The following SNX29 variants were observed in gnomAD, a reference collection of about 807,000 sequenced individuals.
SNX29 encodes the protein sorting nexin 29, also known as sorting nexin-29.
In SNX29, 78 loss-of-function variants were observed where a neutral mutation model predicts 102.1. The ratio of observed to expected loss-of-function variants is 0.76; its 90% CI spans 0.64 to 0.92. The LOEUF is 0.92. SNX29 is among the 40% of genes least tolerant of loss of function. The probability of loss-of-function intolerance (pLI) is 0.00; values close to 1 mark genes in which losing one functional copy is unlikely to be tolerated. For synonymous variants in SNX29, 580 were observed against 414.5 expected (o/e 1.40, Z -4.85); for missense variants, 1,280 against 1,061.7 (o/e 1.21, Z -2.86).
chr16:12,353,436 A>G (rs920924153), intron 15 of SNX29, among the ~76,000 whole-genome samples: 3 of 140,862 alleles, frequency 2.1e-5, no homozygotes, highest in Admixed American at 6.8e-5. Flanking sequence ...ATCTCTTGCC[A>G]TCCTCACAGT....
rs1210428651 is a variant in SNX29 at position 12,425,765 on chromosome 16, T to TTCTGAATTCCTCTCGGAATTCCTC, written c.2037+22239_2037+22262dup. On this transcript the variant is annotated intron_variant, in intron 18 of 20. Coordinates refer to ENST00000566228, the MANE Select transcript of SNX29 (RefSeq NM_032167.5). ...TGCTCTTCCCCAGCCAGGAATTCAT[T>TTCTGAATTCCTCTCGGAATTCCTC]TCTGAATTCCTCTCGGAATTCCTCT... Among the ~76,000 whole-genome samples, 17 of 152,242 alleles carry TTCTGAATTCCTCTCGGAATTCCTC rather than the reference T, an allele frequency of 1.1e-4. No individual in the cohort carries two copies. The East Asian group carries it at 1.2e-3, about 10-fold the overall frequency.
At chr16:12,164,148 C>T (rs531948396) in intron 13 of SNX29, among the ~76,000 whole-genome samples, 1 of 152,172 alleles carries the variant, frequency 6.6e-6, no homozygotes, top group South Asian at 2.1e-4. Context: ...AACCAGCTCT[C>T]CCAGTGTCTG....
intron 20 of SNX29, among the ~76,000 whole-genome samples, chr16:12,544,644 C>T (rs1313110264): frequency 5.3e-5 from 8 of 152,200 alleles, no homozygotes; most frequent in East Asian, 1.9e-4. Flanking sequence ...AGGTTCATGT[C>T]AGACTGTTTA....
intron 19 of SNX29, among the ~76,000 whole-genome samples, chr16:12,517,502 T>C (rs1205948354): frequency 6.6e-6 from 1 of 152,194 alleles, no homozygotes; most frequent in South Asian, 2.1e-4. Context: ...CTTTGTTCTC[T>C]CTCTCTGGAC....
At chr16:11,980,845 G>C (rs1048562176) in intron 1 of SNX29, among the ~76,000 whole-genome samples, 1 of 152,008 alleles carries the variant, frequency 6.6e-6, no homozygotes, top group African/African-American at 2.4e-5. Flanking sequence ...AACATTCGGT[G>C]GTCTTTTTAT....
chr16:12,559,804 C>T (rs533167222), intron 20 of SNX29, among the ~76,000 whole-genome samples: 1 of 152,160 alleles, frequency 6.6e-6, no homozygotes, highest in Non-Finnish European at 1.5e-5. Flanking sequence ...TTACTATCTT[C>T]CAGGCCATTT....
At chr16:12,192,669 G>C (rs1044700735) in intron 13 of SNX29, among the ~76,000 whole-genome samples, 1 of 151,862 alleles carries the variant, frequency 6.6e-6, no homozygotes, top group Non-Finnish European at 1.5e-5. Context: ...ATGTCACCGT[G>C]TCCAGCTAAT....
chr16:12,500,302 A>G (rs896723560), intron 19 of SNX29, among the ~76,000 whole-genome samples: 26 of 152,206 alleles, frequency 1.7e-4, no homozygotes, highest in African/African-American at 6.0e-4. Context: ...CTGGCCCTGC[A>G]TTTGTGAAAG....
chr16:12,341,713 A>G (rs1259369576), intron 15 of SNX29, among the ~76,000 whole-genome samples: 3 of 152,196 alleles, frequency 2.0e-5, no homozygotes, highest in East Asian at 1.9e-4. Context: ...CAGCAGTCCT[A>G]TGCTATGACT....
chr16:12,099,411 G>C (rs1177119431), intron 11 of SNX29, among the ~76,000 whole-genome samples: 1 of 152,128 alleles, frequency 6.6e-6, no homozygotes, highest in Non-Finnish European at 1.5e-5. Context: ...AGGGGAGTTG[G>C]GTATGTGTGA....
At chr16:12,332,514 C>T (rs1237557502) in intron 15 of SNX29, among the ~76,000 whole-genome samples, 2 of 152,164 alleles carry the variant, frequency 1.3e-5, no homozygotes, top group South Asian at 4.1e-4. Flanking sequence ...TGACTCTATC[C>T]TCCCCCGTCC....
chr16:12,248,975 G>A, intron 14 of SNX29, among the ~76,000 whole-genome samples: 1 of 152,128 alleles, frequency 6.6e-6, no homozygotes, highest in East Asian at 1.9e-4. Flanking sequence ...TGAGTACCTG[G>A]GAAGTGCGGT....
chr16:12,020,127 CTT>C (rs879703434), intron 3 of SNX29, among the ~76,000 whole-genome samples: 5 of 144,984 alleles, frequency 3.4e-5, no homozygotes, highest in African/African-American at 2.5e-5. Context: ...AGTTTCTAAA[CTT>C]TTTTTTTTTT....
intron 15 of SNX29, among the ~76,000 whole-genome samples, chr16:12,348,489 C>G (rs924119854): frequency 6.6e-6 from 1 of 152,202 alleles, no homozygotes; most frequent in African/African-American, 2.4e-5. Context: ...CCTCTGCCTG[C>G]TGATGGCAGC....
chr16:12,054,271 G>T (rs7200173), intron 8 of SNX29, among the ~76,000 whole-genome samples: 59,684 of 152,100 alleles, frequency 0.39, 12,405 homozygotes, highest in Middle Eastern at 0.5. Flanking sequence ...CAGCTATTCT[G>T]TCAAATGTTT....
chr16:12,571,199 A>C lies in SNX29; in HGVS notation c.*2570A>C, dbSNP rs898737559. The C allele has an allele frequency of 6.0e-5, 14 of 232,094 alleles. No individual in the cohort carries two copies. Among genetic ancestry groups the C allele is most frequent in the Admixed American group, 5.6e-4 (10 of 17,728 alleles). The allele number at this position is 232,094 out of a possible 1,614,324, so 14.4% of individuals were successfully genotyped here. A position where few individuals can be genotyped will look rare whatever the true frequency, so the allele number is the denominator to read the frequency against. On this transcript the variant is annotated 3_prime_UTR_variant, in exon 21 of 21. Coordinates refer to ENST00000566228, the MANE Select transcript of SNX29 (RefSeq NM_032167.5). ...AGTGTGGTGGGATGAACTTCAGGCAACAAACAACTGGCAGGGTTCCCAGTT... is the reference window on the plus strand; with the variant it reads ...AGTGTGGTGGGATGAACTTCAGGCACCAAACAACTGGCAGGGTTCCCAGTT...
rs1217650303 is a variant in SNX29 at position 12,146,805 on chromosome 16, G to A, written c.1595+17047G>A. On this transcript the variant is annotated intron_variant, in intron 13 of 20. Coordinates refer to ENST00000566228, the MANE Select transcript of SNX29 (RefSeq NM_032167.5). ...TGGAAATGCCAAATGCTTTAATGTT[G>A]AAATTTAAAATAATGGGAGCACCTT... is the stretch of plus-strand genomic sequence containing the variant. 2.6e-5 allele frequency among the ~76,000 whole-genome samples: 4 copies of A among 152,158 alleles called. No homozygotes were observed. In the East Asian group the frequency reaches 5.8e-4, roughly 22 times the overall value.
At chr16:12,537,192 C>T (rs1298173098) in intron 20 of SNX29, among the ~76,000 whole-genome samples, 1 of 152,148 alleles carries the variant, frequency 6.6e-6, no homozygotes, top group Admixed American at 6.5e-5. Context: ...CCCTGGCCAG[C>T]CCCTAAATTG....
At chr16:11,989,689 G>T (rs1002106732) in intron 1 of SNX29, among the ~76,000 whole-genome samples, 3 of 152,178 alleles carry the variant, frequency 2.0e-5, no homozygotes, top group Non-Finnish European at 2.9e-5. Flanking sequence ...TTCCTTCTGT[G>T]ATGGGAGAGA....
Sources: gnomAD v4.1 joint callset for allele counts (sites outside exome capture counted in the v4.1 genomes callset) on GRCh38, gnomAD v4.1.1 for gene constraint, MANE v1.5 for transcripts, NCBI Gene and HGNC (gene_info 2026-07-23, HGNC 2026-07-21) for gene names.